The following BTBD16 variants were observed in gnomAD, a reference collection of about 807,000 sequenced individuals.
BTBD16 encodes the protein BTB domain containing 16.
Under a neutral mutation model 67.4 loss-of-function variants are expected in BTBD16, and 66 were observed. The observed-to-expected ratio is 0.98, with a 90% CI of 0.80 to 1.20. The LOEUF (loss-of-function observed/expected upper bound fraction) is 1.20. Ranked by LOEUF, BTBD16 falls within the 50% of genes most tolerant of loss-of-function variation. The pLI is 0.00. For synonymous variants in BTBD16, 242 were observed against 236.4 expected, an observed-to-expected ratio of 1.02 and a Z score of -0.22; for missense variants, 634 against 616.0, an observed-to-expected ratio of 1.03 and a Z score of -0.31.
At chr10:122,329,349 A>G (rs2096450937) in intron 10 of BTBD16, 131 bp from the exon 11 acceptor site, 2 of 758,018 alleles carry the variant, frequency 2.6e-6, no homozygotes, top group Non-Finnish European at 4.4e-6. Flanking sequence ...ACCCCTCCAG[A>G]GGGACCGAGG....
In BTBD16 at chr10:122,317,108, G is replaced by A. The variant is rs182292118; in HGVS notation, c.911+9800G>A. Among the ~76,000 whole-genome samples, 469 of 152,180 alleles carry A rather than the reference G, an allele frequency of 3.1e-3. 3 individuals are homozygous for A. Among genetic ancestry groups the A allele is most frequent in the Non-Finnish European group, 5.6e-3 (381 of 68,000 alleles). ...CCAGCCTACTGTAGACTTTATAAAC[G>A]CTGTGTACTTAGGCTACACTCAAAT... On this transcript the variant is annotated intron_variant, in intron 10 of 15. Coordinates refer to ENST00000260723, the MANE Select transcript of BTBD16 (RefSeq NM_144587.5).
chr10:122,299,081 C>A lies in BTBD16; in HGVS notation c.738C>A (p.Ile246=). Residue 246 remains isoleucine, a synonymous_variant, in exon 9 of 16, where the codon ATC becomes ATA. Transcript: ENST00000260723. ...MNLVPLGGTQ[I]HLHKIPQDLL... is the part of the protein sequence containing the mutation. ...TGGTTCCTCTAGGGGGGACGCAGAT[C>A]CACCTCCACAAAATCCCACAGGACC... is the stretch of plus-strand genomic sequence containing the variant. 1 of 1,614,018 alleles carries A rather than the reference C, an allele frequency of 6.2e-7. No individual in the cohort carries two copies. Among genetic ancestry groups the A allele is most frequent in the Non-Finnish European group, 8.5e-7 (1 of 1,179,990 alleles).
At chr10:122,273,029 C>T (rs950630814) in intron 1 of BTBD16, among the ~76,000 whole-genome samples, 6 of 131,886 alleles carry the variant, frequency 4.5e-5, no homozygotes, top group African/African-American at 1.5e-4. Flanking sequence ...AAAATAAATA[C>T]GATGATACTA....
Position 122,299,013 on chromosome 10 carries a change from G to A in BTBD16, c.670G>A (p.Glu224Lys), listed in dbSNP as rs367553311. ...CTTTTTTTTGTCTTAGTACAAGGAAGAGCAGCTCACCACCGGCTGCGAGAA... is the reference window on the plus strand; with the variant it reads ...CTTTTTTTTGTCTTAGTACAAGGAAAAGCAGCTCACCACCGGCTGCGAGAA... ...FYEAGCKYKE[E>K]QLTTGCEKWL... is the part of the protein sequence containing the mutation. Residue 224 changes from glutamate (E) to lysine (K), a missense_variant, in exon 9 of 16, where the codon GAG becomes AAG. Transcript: ENST00000260723. 3.1e-6 allele frequency: 5 copies of A among 1,613,928 alleles called. No homozygotes were observed. Among genetic ancestry groups the A allele is most frequent in the Non-Finnish European group, 4.2e-6 (5 of 1,180,002 alleles).
chr10:122,324,916 G>T (rs952294877), intron 10 of BTBD16, among the ~76,000 whole-genome samples: 3 of 152,228 alleles, frequency 2.0e-5, no homozygotes, highest in African/African-American at 7.2e-5. Context: ...AAGAGTCTGG[G>T]TGTAGGAGTT....
chr10:122,284,081 G>C (rs10887119), intron 4 of BTBD16, among the ~76,000 whole-genome samples, 157 bp downstream of exon 4: 1 of 152,098 alleles, frequency 6.6e-6, no homozygotes. Context: ...ATAGGTGCCC[G>C]GTAAATATTT....
Position 122,338,118 on chromosome 10 carries a change from C to G in BTBD16, c.*33C>G, listed in dbSNP as rs369927587. The G allele has an allele frequency of 5.7e-4, 854 of 1,489,854 alleles. No individual in the cohort carries two copies. Among genetic ancestry groups the G allele is most frequent in the Non-Finnish European group, 7.2e-4 (771 of 1,069,656 alleles). 92.3% of individuals were successfully genotyped at this position (1,489,854 alleles called of 1,614,324 possible). A position where few individuals can be genotyped will look rare whatever the true frequency, so the allele number is the denominator to read the frequency against. On this transcript the variant is annotated 3_prime_UTR_variant, in exon 16 of 16. Transcript: ENST00000260723. ...CAGAAGAATCTATGGGATTTTCCCC[C>G]CACTGGTCTGCATAAAAGAAAATAA... is the stretch of plus-strand genomic sequence containing the variant.
At chr10:122,327,700 G>A (rs970074441) in intron 10 of BTBD16, 1 of 958,372 alleles carries the variant, frequency 1.0e-6, no homozygotes, top group Non-Finnish European at 1.2e-6. Context: ...TCTCAACAAA[G>A]CTGTTTCCAA....
chr10:122,307,181 T>A lies in BTBD16; in HGVS notation c.792-8T>A, dbSNP rs749637647. The A allele has an allele frequency of 6.3e-7, 1 of 1,580,718 alleles. No individual in the cohort carries two copies. Among genetic ancestry groups the A allele is most frequent in the Non-Finnish European group, 8.6e-7 (1 of 1,169,226 alleles). On this transcript the variant is annotated splice_region_variant and splice_polypyrimidine_tract_variant and intron_variant, in intron 9 of 15. Coordinates refer to ENST00000260723, the MANE Select transcript of BTBD16 (RefSeq NM_144587.5). ...GAAATTTCTTCTCAATCTTTTTATT[T>A]TGGCCAGGTTATTTACCTTTAGTGA...
chr10:122,309,187 C>T (rs1303516118), intron 10 of BTBD16, among the ~76,000 whole-genome samples: 3 of 152,052 alleles, frequency 2.0e-5, no homozygotes, highest in Non-Finnish European at 2.9e-5. Context: ...AGTACAGTGG[C>T]GTGATCATAG....
intron 3 of BTBD16, among the ~76,000 whole-genome samples, chr10:122,279,709 G>A (rs2096348505): frequency 6.6e-6 from 1 of 152,078 alleles, no homozygotes; most frequent in Non-Finnish European, 1.5e-5. Flanking sequence ...TGTCAGTAAG[G>A]GCCTGGAATG....
rs1000209791 is a variant in BTBD16, at chr10:122,332,832, G to A, written c.1164+319G>A. On this transcript the variant is annotated intron_variant, in intron 13 of 15. Coordinates refer to ENST00000260723, the MANE Select transcript of BTBD16 (RefSeq NM_144587.5). Reference sequence around the variant, plus strand: ...GAAAGGCCAAGGCAAACTGGGAAGGGTTGGTCTTTCTATTTCCCACAAACA... The same window carrying A: ...GAAAGGCCAAGGCAAACTGGGAAGGATTGGTCTTTCTATTTCCCACAAACA... The A allele has an allele frequency of 1.5e-5, 15 of 985,282 alleles. No homozygotes were observed. The African/African-American group carries it at 1.9e-4, about 13-fold the overall frequency. The allele number at this position is 985,282 out of a possible 1,614,324, so 61.0% of individuals were successfully genotyped here. A position where few individuals can be genotyped will look rare whatever the true frequency, so the allele number is the denominator to read the frequency against.
chr10:122,289,848 C>T, intron 5 of BTBD16, 61 bp from the exon 6 acceptor site: 1 of 1,273,912 alleles, frequency 7.8e-7, no homozygotes, highest in South Asian at 1.2e-5. Context: ...GTGGGTGCCT[C>T]CCACTGTGTC....
chr10:122,331,281 A>G, intron 12 of BTBD16, 23 bp downstream of exon 12: 1 of 1,603,428 alleles, frequency 6.2e-7, no homozygotes, highest in Non-Finnish European at 8.5e-7. Context: ...CTCTGCAAGG[A>G]CACAGTTGTC....
chr10:122,329,341 C>G, intron 10 of BTBD16, 139 bp from the exon 11 acceptor site: 1 of 683,700 alleles, frequency 1.5e-6, no homozygotes, highest in Non-Finnish European at 2.5e-6. Flanking sequence ...TGTACCTGAC[C>G]CCTCCAGAGG....
At chr10:122,274,242 G>A (rs2096335493) in intron 1 of BTBD16, among the ~76,000 whole-genome samples, 1 of 152,230 alleles carries the variant, frequency 6.6e-6, no homozygotes, top group African/African-American at 2.4e-5. Context: ...GGGCCAAAGA[G>A]TGGGCCCCTG....
intron 5 of BTBD16, among the ~76,000 whole-genome samples, chr10:122,287,006 G>A (rs1268384323): frequency 6.6e-6 from 1 of 152,192 alleles, no homozygotes; most frequent in Non-Finnish European, 1.5e-5. Flanking sequence ...AGACATGACA[G>A]CAAAGCCCTG....
chr10:122,299,650 C>T (rs1302942270), intron 9 of BTBD16, among the ~76,000 whole-genome samples: 1 of 151,982 alleles, frequency 6.6e-6, no homozygotes, highest in Non-Finnish European at 1.5e-5. Flanking sequence ...CACCATCTGA[C>T]TAGCGGATCA....
chr10:122,332,740 C>G, intron 13 of BTBD16: 3 of 850,566 alleles, frequency 3.5e-6, no homozygotes, highest in Non-Finnish European at 4.2e-6. Context: ...CTAAGAGGAC[C>G]AGCAGTCCTG....
Sources: gnomAD v4.1 joint callset for allele counts (sites outside exome capture counted in the v4.1 genomes callset) on GRCh38, gnomAD v4.1.1 for gene constraint, MANE v1.5 for transcripts, NCBI Gene and HGNC (gene_info 2026-07-23, HGNC 2026-07-21) for gene names.